CCDC170: variants seen among roughly 807,000 people sequenced by gnomAD.
The protein encoded by CCDC170 is coiled-coil domain-containing protein 170.
A neutral mutation model predicts 72.6 loss-of-function variants in CCDC170; 69 were observed. The observed-to-expected ratio is 0.95, with a 90% CI of 0.78 to 1.16. CCDC170 has a LOEUF of 1.16. Among genes scored for constraint, CCDC170 ranks in the 50% most tolerant of loss-of-function variants. The pLI, the probability that CCDC170 is intolerant of heterozygous loss-of-function variation, is 0.00. For synonymous variants in CCDC170, 300 were observed against 303.9 expected, an observed-to-expected ratio of 0.99 and a Z score of 0.13; for missense variants, 852 against 832.5, an observed-to-expected ratio of 1.02 and a Z score of -0.29.
chr6:151,612,166 GA>G (rs1237993125), intron 9 of CCDC170, among the ~76,000 whole-genome samples: 2 of 152,150 alleles, frequency 1.3e-5, no homozygotes, highest in African/African-American at 4.8e-5. Context: ...CCTAATCTTA[GA>G]ACAGTTGCTC....
At position 151,545,418 on chromosome 6, in the gene CCDC170, T is replaced by TAAACA. The variant is rs199975091; in HGVS notation, c.588+716_588+720dup. 7.2e-3 allele frequency among the ~76,000 whole-genome samples: 1,094 copies of TAAACA among 151,386 alleles called. 10 individuals carry two copies. The highest frequency in any genetic ancestry group is 0.025 in the African/African-American group (1,029 of 41,120). On this transcript the variant is annotated intron_variant, in intron 4 of 10. Transcript: ENST00000239374. ...CAGAGTGAGACTCTGTCTCAAAAAA[T>TAAACA]AAACAAAACAAAACAAAATAGCAAA...
chr6:151,494,196 A>AG lies in CCDC170; in HGVS notation c.57+12dup. 8 of 1,503,894 alleles carry AG rather than the reference A, an allele frequency of 5.3e-6. No individual in the cohort carries two copies. The highest frequency in any genetic ancestry group is 7.1e-6 in the Non-Finnish European group (8 of 1,129,100). The allele number at this position is 1,503,894 out of a possible 1,614,324, so 93.2% of individuals were successfully genotyped here. A position where few individuals can be genotyped will look rare whatever the true frequency, so the allele number is the denominator to read the frequency against. ...TCGCCAGCGCCCGAGGTACGGTCCC[A>AG]GCCGCCGGCCGCGCGCGGGGGTGGC... is the stretch of plus-strand genomic sequence containing the variant. On this transcript the variant is annotated intron_variant, in intron 1 of 10. Transcript: ENST00000239374.
At chr6:151,497,372 C>A (rs1202904354) in intron 1 of CCDC170, among the ~76,000 whole-genome samples, 2 of 152,200 alleles carry the variant, frequency 1.3e-5, no homozygotes, top group East Asian at 3.9e-4. Context: ...CAGAACAAGA[C>A]CCTGGCTCAA....
At chr6:151,614,396 T>C (rs1776924134) in intron 9 of CCDC170, among the ~76,000 whole-genome samples, 2 of 152,186 alleles carry the variant, frequency 1.3e-5, no homozygotes, top group Non-Finnish European at 2.9e-5. Context: ...CTGGCTTATT[T>C]TACTTAGGAT....
intron 5 of CCDC170, among the ~76,000 whole-genome samples, chr6:151,567,320 C>T (rs1331002617): frequency 6.6e-6 from 1 of 152,158 alleles, no homozygotes; most frequent in East Asian, 1.9e-4. Flanking sequence ...TTTCAACAAG[C>T]TCAATATATT....
chr6:151,550,534 G>A (rs555350305), intron 5 of CCDC170, among the ~76,000 whole-genome samples: 34 of 152,282 alleles, frequency 2.2e-4, no homozygotes, highest in Non-Finnish European at 4.0e-4. Flanking sequence ...CGCACCACTA[G>A]CTTTATTCTC....
chr6:151,502,505 A>G (rs911151744), intron 1 of CCDC170, among the ~76,000 whole-genome samples: 1 of 152,220 alleles, frequency 6.6e-6, no homozygotes, highest in Admixed American at 6.5e-5. Flanking sequence ...TAAGGCCATC[A>G]TAGTCTAACC....
chr6:151,601,002 T>C (rs896469434), intron 9 of CCDC170, among the ~76,000 whole-genome samples: 1 of 152,216 alleles, frequency 6.6e-6, no homozygotes, highest in Non-Finnish European at 1.5e-5. Context: ...TACGTGGCCT[T>C]TGTCTCTGGC....
chr6:151,575,004 T>C (rs1462593718), intron 6 of CCDC170, among the ~76,000 whole-genome samples: 1 of 152,206 alleles, frequency 6.6e-6, no homozygotes. Flanking sequence ...AATTCACGTA[T>C]ATGATTGAGG....
chr6:151,536,639 G>T (rs915797707), intron 2 of CCDC170, among the ~76,000 whole-genome samples, 193 bp downstream of exon 2: 1 of 151,864 alleles, frequency 6.6e-6, no homozygotes, highest in African/African-American at 2.4e-5. Flanking sequence ...GCTGGGTGTG[G>T]TAGTGAGCGC....
intron 2 of CCDC170, among the ~76,000 whole-genome samples, chr6:151,537,255 C>G (rs762725253): frequency 2.0e-5 from 3 of 152,164 alleles, no homozygotes; most frequent in Non-Finnish European, 2.9e-5. Context: ...CTGCTTATAG[C>G]CTGGTGGCCC....
rs1776864813 is a variant in CCDC170 at position 151,611,211 on chromosome 6, G to T, written c.1711-4232G>T. Among the ~76,000 whole-genome samples, 2 of 152,144 alleles carry T rather than the reference G, an allele frequency of 1.3e-5. 1 individual carries two copies. The highest frequency in any genetic ancestry group is 4.2e-4 in the South Asian group (2 of 4,810). On this transcript the variant is annotated intron_variant, in intron 9 of 10. Coordinates refer to ENST00000239374, the MANE Select transcript of CCDC170 (RefSeq NM_025059.4). ...AATCGCTTGAACCCGGGAGGCGGAGGTTGCAGTGAGCCGAGATTGTGCCAC... is the reference window on the plus strand; with the variant it reads ...AATCGCTTGAACCCGGGAGGCGGAGTTTGCAGTGAGCCGAGATTGTGCCAC...
At chr6:151,606,580 G>T (rs762832985) in intron 9 of CCDC170, among the ~76,000 whole-genome samples, 8 of 152,192 alleles carry the variant, frequency 5.3e-5, no homozygotes, top group Non-Finnish European at 1.0e-4. Context: ...CTGATGAGAA[G>T]AGCATGTATT....
chr6:151,497,884 G>C (rs567373810), intron 1 of CCDC170, among the ~76,000 whole-genome samples: 1 of 145,964 alleles, frequency 6.9e-6, no homozygotes, highest in East Asian at 2.1e-4. Context: ...GCTGAGGCAG[G>C]AGAATTGCCT....
intron 5 of CCDC170, among the ~76,000 whole-genome samples, chr6:151,568,800 G>T (rs1367695925): frequency 6.6e-6 from 1 of 152,110 alleles, no homozygotes; most frequent in African/African-American, 2.4e-5. Flanking sequence ...ATATTCTATA[G>T]TATGGATGTC....
chr6:151,509,902 A>G (rs1307568045), intron 1 of CCDC170, among the ~76,000 whole-genome samples: 2 of 152,188 alleles, frequency 1.3e-5, no homozygotes, highest in African/African-American at 4.8e-5. Context: ...AGACAGCTGG[A>G]TCACAAGGTC....
intron 7 of CCDC170, among the ~76,000 whole-genome samples, chr6:151,591,644 G>A (rs373815400): frequency 3.0e-4 from 46 of 151,916 alleles, no homozygotes; most frequent in African/African-American, 8.2e-4. Flanking sequence ...ACAGGTGCCC[G>A]CCACCACGCC....
chr6:151,553,976 T>A (rs1011559478), intron 5 of CCDC170, among the ~76,000 whole-genome samples: 3 of 148,368 alleles, frequency 2.0e-5, no homozygotes, highest in African/African-American at 7.4e-5. Flanking sequence ...AGGACTAGGG[T>A]GTGGTTTCTA....
intron 6 of CCDC170, among the ~76,000 whole-genome samples, chr6:151,581,192 G>T (rs1776374876): frequency 6.6e-6 from 1 of 152,078 alleles, no homozygotes; most frequent in African/African-American, 2.4e-5. Context: ...TTTCTCAAAA[G>T]ATTTCTCTGT....
Sources: allele counts gnomAD v4.1 joint callset (sites outside exome capture counted in the v4.1 genomes callset), GRCh38; gene constraint gnomAD v4.1.1; transcripts MANE v1.5; gene names NCBI Gene and HGNC (gene_info 2026-07-23, HGNC 2026-07-21).